PPARGC1A: variants seen among roughly 807,000 people sequenced by gnomAD.
PPARGC1A encodes peroxisome proliferator-activated receptor gamma coactivator 1-alpha.
In PPARGC1A, 25 loss-of-function variants were observed where a neutral mutation model predicts 88.7. The observed-to-expected ratio is 0.28, with a 90% CI of 0.21 to 0.39. The LOEUF (loss-of-function observed/expected upper bound fraction) is 0.39, where lower values mean the gene tolerates loss of function less well. Among genes scored for constraint, PPARGC1A ranks in the 10% least tolerant of loss-of-function variants. PPARGC1A has a pLI of 1.00. For missense variants in PPARGC1A, 880 were observed against 968.7 expected, an observed-to-expected ratio of 0.91 and a Z score of 1.22; for synonymous variants, 363 against 355.6, an observed-to-expected ratio of 1.02 and a Z score of -0.24.
chr4:24,092,579 C>T, the PPARGC1A span, among the ~76,000 whole-genome samples: 3 of 152,144 alleles, frequency 2.0e-5, no homozygotes, highest in African/African-American at 4.8e-5. Flanking sequence ...TCACTTAATA[C>T]GGTAAATTCA....
chr4:23,920,731 C>T, the PPARGC1A span, among the ~76,000 whole-genome samples: 2 of 152,198 alleles, frequency 1.3e-5, no homozygotes, highest in South Asian at 2.1e-4. Context: ...GGAAATTATA[C>T]AGTGTTTTGC....
chr4:23,797,061 A>T lies in PPARGC1A; in HGVS notation c.2294-1136T>A, dbSNP rs577010784. Among the ~76,000 whole-genome samples the T allele has an allele frequency of 3.3e-5, 5 of 152,228 alleles. No homozygotes were observed. The East Asian group carries it at 9.7e-4, about 29-fold the overall frequency. ...TTTCAATCTACCTTTACATACCTAG[A>T]TTTAAAGACAAAGAAATGTCTTTAT... On this transcript the variant is annotated intron_variant, in intron 12 of 12. Coordinates refer to ENST00000264867, the MANE Select transcript of PPARGC1A (RefSeq NM_013261.5).
In PPARGC1A at chr4:23,824,507, G is replaced by T; in HGVS notation, c.759C>A (p.Ala253=). 1 of 1,594,790 alleles carries T rather than the reference G, an allele frequency of 6.3e-7. No individual in the cohort carries two copies. The highest frequency in any genetic ancestry group is 1.1e-5 in the South Asian group (1 of 88,490). The change falls in exon 6 of 13, where the codon GCC becomes GCA. Residue 253 remains alanine, a splice_region_variant and synonymous_variant. Coordinates refer to ENST00000264867, the MANE Select transcript of PPARGC1A (RefSeq NM_013261.5). ...GAGGAAGAGATAAAGTTGTTGGTTTGGCTAAAGAAAAAAAAAAGAAACTAA... is the reference window on the plus strand; with the variant it reads ...GAGGAAGAGATAAAGTTGTTGGTTTTGCTAAAGAAAAAAAAAAGAAACTAA... ...HTQSQSQHLQ[A]KPTTLSLPLT...
At chr4:24,000,018 G>A in the PPARGC1A span, among the ~76,000 whole-genome samples, 1 of 152,084 alleles carries the variant, frequency 6.6e-6, no homozygotes, top group African/African-American at 2.4e-5. Flanking sequence ...GACTCAGAGC[G>A]AATAAAAATG....
At chr4:24,317,579 A>C in the PPARGC1A span, among the ~76,000 whole-genome samples, 1 of 142,438 alleles carries the variant, frequency 7.0e-6, no homozygotes, top group African/African-American at 2.6e-5. Context: ...AAAAAAAAAA[A>C]AAAAAAAAAA....
the PPARGC1A span, among the ~76,000 whole-genome samples, chr4:24,161,081 A>G: frequency 1.9e-3 from 295 of 152,362 alleles, 2 homozygotes; most frequent in African/African-American, 6.6e-3. Flanking sequence ...GCTACCCTCA[A>G]TGAAATGGTT....
the PPARGC1A span, among the ~76,000 whole-genome samples, chr4:24,278,892 C>G: frequency 2.8e-4 from 43 of 152,312 alleles, no homozygotes; most frequent in African/African-American, 9.6e-4. Flanking sequence ...CACATCAACA[C>G]TCTCCCCTAG....
the PPARGC1A span, among the ~76,000 whole-genome samples, chr4:24,128,531 AGTGTGTGTGTGTGTGTGTGT>A: frequency 2.3e-3 from 324 of 138,274 alleles, 2 homozygotes; most frequent in African/African-American, 4.1e-3. Context: ...AGCCTGTCAC[AGTGTGTGTGTGTGTGTGTGT>A]GTGTGTGTGT....
the PPARGC1A span, among the ~76,000 whole-genome samples, chr4:24,282,164 T>C: frequency 6.6e-6 from 1 of 152,174 alleles, no homozygotes; most frequent in Non-Finnish European, 1.5e-5. Context: ...ACACTCAGAG[T>C]GGTTAAGCAA....
chr4:23,947,375 A>G, the PPARGC1A span, among the ~76,000 whole-genome samples: 1 of 15,248 alleles, frequency 6.6e-5, no homozygotes, highest in Non-Finnish European at 1.8e-4. Context: ...ATATATATAT[A>G]TATATATATA....
the PPARGC1A span, among the ~76,000 whole-genome samples, chr4:23,910,350 A>ATATATATTATATATATTATAT: frequency 3.1e-5 from 2 of 64,322 alleles, no homozygotes; most frequent in Admixed American, 4.6e-4. Flanking sequence ...ATTATATATT[A>ATATATATTATATATATTATAT]TATATATTAT....
the PPARGC1A span, among the ~76,000 whole-genome samples, chr4:24,126,110 C>A: frequency 6.6e-6 from 1 of 152,094 alleles, no homozygotes; most frequent in Non-Finnish European, 1.5e-5. Context: ...AGTGACTGTC[C>A]ATTGTAAGTA....
At chr4:24,111,376 C>A in the PPARGC1A span, among the ~76,000 whole-genome samples, 1 of 152,130 alleles carries the variant, frequency 6.6e-6, no homozygotes, top group African/African-American at 2.4e-5. Context: ...ATACACATAG[C>A]TAGTAAATAC....
rs181853966 is a variant in PPARGC1A at position 23,813,553 on chromosome 4, G to A, written c.1793+137C>T. On this transcript the variant is annotated intron_variant, in intron 8 of 12. Transcript: ENST00000264867. Reference sequence around the variant, plus strand: ...GAGATGTGAGTGTAACAATGTTCTCGTTAGTTCCAGCAGTGCCAGAATTGC... The same window carrying A: ...GAGATGTGAGTGTAACAATGTTCTCATTAGTTCCAGCAGTGCCAGAATTGC... 40 of 759,100 alleles carry A rather than the reference G, an allele frequency of 5.3e-5. No homozygotes were observed. In the East Asian group the frequency reaches 5.7e-4, roughly 11 times the overall value. The allele number at this position is 759,100 out of a possible 1,614,324, so 47.0% of individuals were successfully genotyped here.
the PPARGC1A span, among the ~76,000 whole-genome samples, chr4:24,078,752 T>C: frequency 6.6e-6 from 1 of 152,130 alleles, no homozygotes; most frequent in Non-Finnish European, 1.5e-5. Flanking sequence ...TTACCATTTG[T>C]TTATTCTTCT....
the PPARGC1A span, among the ~76,000 whole-genome samples, chr4:24,229,394 C>T: frequency 6.7e-6 from 1 of 150,162 alleles, no homozygotes; most frequent in Non-Finnish European, 1.5e-5. Context: ...GGTGATCTGC[C>T]CACCTCGGCC....
At chr4:23,965,256 G>A in the PPARGC1A span, among the ~76,000 whole-genome samples, 3 of 152,146 alleles carry the variant, frequency 2.0e-5, no homozygotes, top group East Asian at 1.9e-4. Flanking sequence ...TTCTTGGACT[G>A]ATTAAAATCA....
At chr4:24,392,846 A>G in the PPARGC1A span, among the ~76,000 whole-genome samples, 12 of 152,260 alleles carry the variant, frequency 7.9e-5, no homozygotes, top group Admixed American at 2.0e-4. Context: ...GAAAAGGATA[A>G]CAGGACTGCT....
chr4:24,355,730 C>T, the PPARGC1A span, among the ~76,000 whole-genome samples: 478 of 152,082 alleles, frequency 3.1e-3, 6 homozygotes, highest in African/African-American at 0.011. Context: ...GTCACAAACC[C>T]GCCGAGAGAC....
Sources: gnomAD v4.1 joint callset for allele counts (sites outside exome capture counted in the v4.1 genomes callset) on GRCh38, gnomAD v4.1.1 for gene constraint, MANE v1.5 for transcripts, NCBI Gene and HGNC (gene_info 2026-07-23, HGNC 2026-07-21) for gene names.